IQGAP1: variants seen among roughly 807,000 people sequenced by gnomAD.
The protein encoded by IQGAP1 is ras GTPase-activating-like protein IQGAP1.
Under a neutral mutation model 215.6 loss-of-function variants are expected in IQGAP1, and 66 were observed. The ratio of observed to expected loss-of-function variants is 0.31; its 90% CI spans 0.25 to 0.38. IQGAP1 has a LOEUF of 0.38. IQGAP1 is among the 10% of genes least tolerant of loss of function. IQGAP1 has a pLI of 1.00. For synonymous variants in IQGAP1, 772 were observed against 728.7 expected, an observed-to-expected ratio of 1.06 and a Z score of -0.96; for missense variants, 1,712 against 1,997.1, an observed-to-expected ratio of 0.86 and a Z score of 2.72.
intron 4 of IQGAP1, 35 bp from the exon 5 acceptor site, chr15:90,433,684 G>A (rs1009834983): frequency 8.2e-7 from 1 of 1,223,544 alleles, no homozygotes; most frequent in Non-Finnish European, 1.2e-6. Flanking sequence ...CACAGTGAAT[G>A]GATATCTTAC....
intron 2 of IQGAP1, among the ~76,000 whole-genome samples, chr15:90,411,220 C>T (rs573587707): frequency 1.0e-3 from 158 of 152,258 alleles, no homozygotes; most frequent in Non-Finnish European, 2.0e-3. Context: ...TTTTCTCTTT[C>T]CTAATGCACT....
At chr15:90,438,216 A>G (rs1459779279) in intron 5 of IQGAP1, among the ~76,000 whole-genome samples, 1 of 152,118 alleles carries the variant, frequency 6.6e-6, no homozygotes, top group African/African-American at 2.4e-5. Context: ...CTTACTTTAA[A>G]CTGTCAATAT....
intron 15 of IQGAP1, among the ~76,000 whole-genome samples, chr15:90,461,528 A>G (rs1319174449): frequency 2.0e-5 from 3 of 152,208 alleles, no homozygotes; most frequent in South Asian, 2.1e-4. Context: ...TCAAGAACTC[A>G]TTTTATAATT....
chr15:90,465,510 T>C (rs1423291874), intron 15 of IQGAP1, among the ~76,000 whole-genome samples: 1 of 152,160 alleles, frequency 6.6e-6, no homozygotes, highest in Non-Finnish European at 1.5e-5. Flanking sequence ...TTATGACCTT[T>C]ACCAGTTTGT....
At chr15:90,404,754 T>TTTTGTATTTTGTATTTTGTA (rs1449376330) in intron 2 of IQGAP1, among the ~76,000 whole-genome samples, 3 of 59,772 alleles carry the variant, frequency 5.0e-5, no homozygotes, top group African/African-American at 3.5e-4. Flanking sequence ...AATTTTTGTA[T>TTTTGTATTTTGTATTTTGTA]TTTTTTAGTA....
intron 37 of IQGAP1, among the ~76,000 whole-genome samples, chr15:90,498,527 G>A (rs1467438361): frequency 3.9e-5 from 6 of 152,122 alleles, no homozygotes; most frequent in African/African-American, 1.4e-4. Flanking sequence ...ATTAATTTAT[G>A]TACAAATTCA....
At position 90,484,468 on chromosome 15, in the gene IQGAP1, A is replaced by C. The variant is rs910771530; in HGVS notation, c.3921+116A>C. ...CTTCCTGTAATCTAACTGACAATGC[A>C]TCTCCTTGATGTCTCTTTTTTTGCT... On this transcript the variant is annotated intron_variant, in intron 30 of 37. Transcript: ENST00000268182. 4 of 705,022 alleles carry C rather than the reference A, an allele frequency of 5.7e-6. No individual in the cohort carries two copies. In the East Asian group the frequency reaches 1.1e-4, roughly 19 times the overall value. 43.7% of individuals were successfully genotyped at this position (705,022 alleles called of 1,614,324 possible).
Position 90,422,605 on chromosome 15 carries a change from C to A in IQGAP1, c.156-3505C>A, listed in dbSNP as rs1965154534. ...TTTCAGAAATGTTTAATAATTGTCT[C>A]ATTCATATATATATATATATGTATA... On this transcript the variant is annotated intron_variant, in intron 2 of 37. Coordinates refer to ENST00000268182, the MANE Select transcript of IQGAP1 (RefSeq NM_003870.4). Among the ~76,000 whole-genome samples the A allele has an allele frequency of 2.3e-5, 3 of 128,372 alleles. No individual in the cohort carries two copies. In the South Asian group the frequency reaches 7.9e-4, roughly 34 times the overall value. The allele number at this position is 128,372 out of a possible 152,430, so 84.2% of individuals were successfully genotyped here.
intron 30 of IQGAP1, among the ~76,000 whole-genome samples, 175 bp downstream of exon 30, chr15:90,484,527 G>T (rs934854073): frequency 6.6e-6 from 1 of 151,128 alleles, no homozygotes; most frequent in Non-Finnish European, 1.5e-5. Context: ...TTTATTTTTT[G>T]AGACAGAGTC....
At chr15:90,438,313 A>G (rs1039630623) in intron 5 of IQGAP1, among the ~76,000 whole-genome samples, 1 of 152,196 alleles carries the variant, frequency 6.6e-6, no homozygotes. Flanking sequence ...AATCCACTTA[A>G]TAACACAGGC....
intron 18 of IQGAP1, among the ~76,000 whole-genome samples, chr15:90,468,438 CCAAA>C (rs1173166691): frequency 6.6e-6 from 1 of 152,182 alleles, no homozygotes; most frequent in Non-Finnish European, 1.5e-5. Context: ...TAGTCATGAA[CCAAA>C]CAAAGTCTCT....
At position 90,497,214 on chromosome 15, in the gene IQGAP1, G is replaced by A. The variant is rs190709040; in HGVS notation, c.4752-18G>A. The A allele has an allele frequency of 2.1e-4, 263 of 1,263,830 alleles. 1 individual carries two copies. In the East Asian group the frequency reaches 5.8e-3, roughly 28 times the overall value. The allele number at this position is 1,263,830 out of a possible 1,614,324, so 78.3% of individuals were successfully genotyped here. ...GAGAATATAAAAACCATACCCTTACGATGTTATCTTTCAACAGGTTTAAAA... is the reference window on the plus strand; with the variant it reads ...GAGAATATAAAAACCATACCCTTACAATGTTATCTTTCAACAGGTTTAAAA... On this transcript the variant is annotated intron_variant, in intron 36 of 37. Transcript: ENST00000268182.
rs76285758 is a variant in IQGAP1, at chr15:90,488,230, TAATAAATA to T, written c.4248+675_4248+682del. Reference sequence around the variant, plus strand: ...AGCGAGACTCCGTCTCAAAAAATAATAATAAATAAATAAATAAATAAATAAATAAATAA... The same window carrying T: ...AGCGAGACTCCGTCTCAAAAAATAATAATAAATAAATAAATAAATAAATAA... On this transcript the variant is annotated intron_variant, in intron 33 of 37. Coordinates refer to ENST00000268182, the MANE Select transcript of IQGAP1 (RefSeq NM_003870.4). Among the ~76,000 whole-genome samples, 1,144 of 147,678 alleles carry T rather than the reference TAATAAATA, an allele frequency of 7.7e-3. 8 individuals carry two copies. Among genetic ancestry groups the T allele is most frequent in the African/African-American group, 0.025 (1,015 of 39,940 alleles).
At chr15:90,419,751 A>T (rs1392631804) in intron 2 of IQGAP1, among the ~76,000 whole-genome samples, 1 of 152,198 alleles carries the variant, frequency 6.6e-6, no homozygotes, top group African/African-American at 2.4e-5. Context: ...GTCTCTGTTG[A>T]TTGAAAAAGC....
chr15:90,486,214 C>A, intron 31 of IQGAP1, 82 bp downstream of exon 31: 2 of 868,114 alleles, frequency 2.3e-6, no homozygotes, highest in Non-Finnish European at 1.9e-6. Context: ...CTATTTTTTG[C>A]ACTATACCAA....
intron 36 of IQGAP1, among the ~76,000 whole-genome samples, chr15:90,495,650 T>A (rs1321601382): frequency 7.2e-6 from 1 of 138,088 alleles, no homozygotes; most frequent in Non-Finnish European, 1.6e-5. Flanking sequence ...TTTTTCTTCT[T>A]CTTTTTTTTT....
In IQGAP1 at chr15:90,449,596, A is replaced by T; in HGVS notation, c.1115A>T (p.Gln372Leu). The change falls in exon 11 of 38, where the codon CAG becomes CTG. Residue 372 changes from glutamine (Q) to leucine (L), a missense_variant. Coordinates refer to ENST00000268182, the MANE Select transcript of IQGAP1 (RefSeq NM_003870.4). ...GACCCCCTGCAGAAGGAGGAGCTGCAGTCTGGAGTGGATGCTGCAAACAGT... is the reference window on the plus strand; with the variant it reads ...GACCCCCTGCAGAAGGAGGAGCTGCTGTCTGGAGTGGATGCTGCAAACAGT... Reference protein sequence around the residue: ...QTDPLQKEELQSGVDAANSAA... With the variant: ...QTDPLQKEELLSGVDAANSAA... 2 of 1,613,268 alleles carry T rather than the reference A, an allele frequency of 1.2e-6. No individual in the cohort carries two copies. Among genetic ancestry groups the T allele is most frequent in the Non-Finnish European group, 8.5e-7 (1 of 1,179,674 alleles).
In IQGAP1 at chr15:90,501,954, T is replaced by C. The variant is rs1267569198; in HGVS notation, c.*1846T>C. The C allele has an allele frequency of 4.6e-5, 7 of 152,370 alleles. No homozygotes were observed. Among genetic ancestry groups the C allele is most frequent in the Admixed American group, 3.9e-4 (6 of 15,278 alleles). 9.4% of individuals were successfully genotyped at this position (152,370 alleles called of 1,614,324 possible). On this transcript the variant is annotated 3_prime_UTR_variant, in exon 38 of 38. Transcript: ENST00000268182. Reference sequence around the variant, plus strand: ...ATTGCTAATGCAGAATAGTGTAAAATGCGCTTCAAGAATGTTGATGATGAT... The same window carrying C: ...ATTGCTAATGCAGAATAGTGTAAAACGCGCTTCAAGAATGTTGATGATGAT...
At chr15:90,404,267 T>A (rs1327498644) in intron 2 of IQGAP1, among the ~76,000 whole-genome samples, 1 of 152,218 alleles carries the variant, frequency 6.6e-6, no homozygotes, top group Non-Finnish European at 1.5e-5. Context: ...CATCTGCCTG[T>A]CAATAATGTA....
Sources: gnomAD v4.1 joint callset for allele counts (sites outside exome capture counted in the v4.1 genomes callset) on GRCh38, gnomAD v4.1.1 for gene constraint, MANE v1.5 for transcripts, NCBI Gene and HGNC (gene_info 2026-07-23, HGNC 2026-07-21) for gene names.